PAPPA2: variants seen among roughly 807,000 people sequenced by gnomAD.
PAPPA2 encodes the protein pappalysin 2, also known as pappalysin-2.
PAPPA2 carries 86 observed loss-of-function variants against 176.4 expected under a neutral mutation model. The observed-to-expected ratio is 0.49, with a 90% CI of 0.41 to 0.58. The LOEUF is 0.58. PAPPA2 is among the 20% of genes least tolerant of loss of function. The pLI is 0.00. For missense variants in PAPPA2, 2,073 were observed against 2,256.9 expected (o/e 0.92, Z 1.65); for synonymous variants, 809 against 852.2 (o/e 0.95, Z 0.88).
At chr1:176,702,281 T>C (rs528861063) in intron 8 of PAPPA2, among the ~76,000 whole-genome samples, 1 of 152,338 alleles carries the variant, frequency 6.6e-6, no homozygotes, top group Non-Finnish European at 1.5e-5. Context: ...TTAAATAGTT[T>C]TGTTTTGTTT....
At chr1:176,686,077 G>A (rs1389860677) in intron 4 of PAPPA2, among the ~76,000 whole-genome samples, 1 of 152,142 alleles carries the variant, frequency 6.6e-6, no homozygotes, top group Non-Finnish European at 1.5e-5. Context: ...GTTTTGGTTG[G>A]AATAAAGGGT....
chr1:176,764,790 G>A (rs956650913), intron 14 of PAPPA2, among the ~76,000 whole-genome samples: 5 of 152,094 alleles, frequency 3.3e-5, no homozygotes, highest in African/African-American at 1.2e-4. Context: ...TAGAGATGGG[G>A]TTTCACCGTG....
intron 3 of PAPPA2, among the ~76,000 whole-genome samples, chr1:176,638,120 G>A (rs796201746): frequency 5.3e-5 from 8 of 152,182 alleles, no homozygotes; most frequent in African/African-American, 1.9e-4. Context: ...GCATATTTAT[G>A]TCCTTAATAG....
intron 17 of PAPPA2, among the ~76,000 whole-genome samples, chr1:176,784,509 C>T (rs985018135): frequency 1.3e-5 from 2 of 152,060 alleles, no homozygotes; most frequent in Non-Finnish European, 1.5e-5. Context: ...TTGTTTCTCA[C>T]AGGTCCAGAG....
intron 1 of PAPPA2, among the ~76,000 whole-genome samples, chr1:176,492,160 A>T (rs1409840471): frequency 6.6e-6 from 1 of 152,192 alleles, no homozygotes. Flanking sequence ...CTCACAGAGC[A>T]TGGGTGCAGA....
At chr1:176,541,316 A>G (rs1399464267) in intron 1 of PAPPA2, among the ~76,000 whole-genome samples, 1 of 152,228 alleles carries the variant, frequency 6.6e-6, no homozygotes, top group East Asian at 1.9e-4. Flanking sequence ...TACATTTGTC[A>G]TCAGGATTCA....
At chr1:176,802,122 C>A (rs891381460) in intron 21 of PAPPA2, among the ~76,000 whole-genome samples, 2 of 152,144 alleles carry the variant, frequency 1.3e-5, no homozygotes, top group African/African-American at 4.8e-5. Flanking sequence ...TGGGGCCCAG[C>A]AGACTGTTTT....
At chr1:176,781,065 A>G (rs184400382) in intron 17 of PAPPA2, among the ~76,000 whole-genome samples, 2 of 152,288 alleles carry the variant, frequency 1.3e-5, no homozygotes, top group African/African-American at 4.8e-5. Context: ...ATGAAAATAG[A>G]TGAAGTAGGA....
At chr1:176,757,809 T>C (rs1452612628) in intron 14 of PAPPA2, among the ~76,000 whole-genome samples, 2 of 152,188 alleles carry the variant, frequency 1.3e-5, no homozygotes, top group Non-Finnish European at 2.9e-5. Flanking sequence ...ATTGCCTAGG[T>C]TTTCTTCTAG....
chr1:176,524,004 A>G (rs962509946), intron 1 of PAPPA2, among the ~76,000 whole-genome samples: 3 of 152,168 alleles, frequency 2.0e-5, no homozygotes, highest in Non-Finnish European at 4.4e-5. Context: ...CCTGTAATAT[A>G]TCAAAGAACT....
At chr1:176,571,616 C>T (rs753014870) in intron 2 of PAPPA2, among the ~76,000 whole-genome samples, 4 of 152,162 alleles carry the variant, frequency 2.6e-5, no homozygotes, top group Admixed American at 1.3e-4. Flanking sequence ...TTCCTCAGTC[C>T]CAAGGCCTTC....
chr1:176,573,277 G>T (rs527360682), intron 2 of PAPPA2, among the ~76,000 whole-genome samples: 1 of 152,318 alleles, frequency 6.6e-6, no homozygotes, highest in South Asian at 2.1e-4. Flanking sequence ...CCAAGCACAT[G>T]AATTCCTATT....
chr1:176,666,608 T>TGTGTGA (rs1553384532), intron 3 of PAPPA2, among the ~76,000 whole-genome samples: 3 of 101,280 alleles, frequency 3.0e-5, no homozygotes, highest in Non-Finnish European at 6.1e-5. Context: ...TGTGTGTGTG[T>TGTGTGA]GAGAGAGAGA....
intron 3 of PAPPA2, among the ~76,000 whole-genome samples, chr1:176,660,481 A>G (rs541588856): frequency 2.6e-5 from 4 of 152,188 alleles, no homozygotes; most frequent in Admixed American, 2.0e-4. Flanking sequence ...ACAAACTTAC[A>G]TCGTATGAAT....
chr1:176,694,809 T>C (rs1660290147), intron 6 of PAPPA2, among the ~76,000 whole-genome samples: 1 of 152,144 alleles, frequency 6.6e-6, no homozygotes, highest in Non-Finnish European at 1.5e-5. Flanking sequence ...TCCAATCCTG[T>C]TGGAAATATA....
chr1:176,799,615 A>G (rs1423316041), intron 20 of PAPPA2, among the ~76,000 whole-genome samples: 2 of 152,220 alleles, frequency 1.3e-5, no homozygotes, highest in East Asian at 1.9e-4. Flanking sequence ...TAGTTGAAGA[A>G]TCTGTAAAAC....
intron 12 of PAPPA2, among the ~76,000 whole-genome samples, chr1:176,716,231 C>CTTTT (rs371904164): frequency 8.0e-4 from 106 of 133,216 alleles, no homozygotes; most frequent in Non-Finnish European, 1.0e-3. Flanking sequence ...TAACCTCTTT[C>CTTTT]TTTTTTTTTT....
At chr1:176,655,701 G>C (rs993407535) in intron 3 of PAPPA2, among the ~76,000 whole-genome samples, 1 of 151,770 alleles carries the variant, frequency 6.6e-6, no homozygotes. Flanking sequence ...AGTAGAAAGC[G>C]GGTGGATGAT....
chr1:176,708,602 T>C (rs1485938651), intron 10 of PAPPA2, among the ~76,000 whole-genome samples: 1 of 151,668 alleles, frequency 6.6e-6, no homozygotes, highest in East Asian at 2.0e-4. Flanking sequence ...ACATTGGCTT[T>C]GGAGAGTGCT....
Sources: gnomAD v4.1 joint callset for allele counts (sites outside exome capture counted in the v4.1 genomes callset) on GRCh38, gnomAD v4.1.1 for gene constraint, MANE v1.5 for transcripts, NCBI Gene and HGNC (gene_info 2026-07-23, HGNC 2026-07-21) for gene names.